FKBP1B: variants seen among roughly 807,000 people sequenced by gnomAD.
FKBP1B encodes peptidyl-prolyl cis-trans isomerase FKBP1B.
FKBP1B carries 4 observed loss-of-function variants against 13.5 expected under a neutral mutation model. The ratio of observed to expected loss-of-function variants is 0.30; its 90% confidence interval spans 0.15 to 0.68. The LOEUF (loss-of-function observed/expected upper bound fraction) is 0.68, where lower values mean the gene tolerates loss of function less well. FKBP1B is among the 30% of genes least tolerant of loss of function. The pLI is 0.76. For synonymous variants in FKBP1B, 54 were observed against 53.6 expected (o/e 1.01, Z -0.03); for missense variants, 93 against 136.2 (o/e 0.68, Z 1.58).
At chr2:24,041,265 G>A in the FKBP1B span, among the ~76,000 whole-genome samples, 783 of 151,710 alleles carry the variant, frequency 5.2e-3, 5 homozygotes, top group African/African-American at 0.018. Flanking sequence ...CTTGAACCCA[G>A]GAGGTAGAGA....
the FKBP1B span, chr2:24,038,656 A>G: frequency 6.2e-7 from 1 of 1,614,256 alleles, no homozygotes; most frequent in Non-Finnish European, 8.5e-7. Context: ...CAGAGGTTCT[A>G]AATAGGAAGA....
chr2:24,034,428 TAAATA>T, the FKBP1B span, among the ~76,000 whole-genome samples: 4 of 151,854 alleles, frequency 2.6e-5, no homozygotes, highest in African/African-American at 9.7e-5. Flanking sequence ...TAAAAATAAA[TAAATA>T]AAATAAAAAT....
intron 2 of FKBP1B, among the ~76,000 whole-genome samples, chr2:24,060,231 A>G (rs1044793349): frequency 1.3e-5 from 2 of 152,166 alleles, no homozygotes; most frequent in African/African-American, 4.8e-5. Flanking sequence ...AGGTGAGATA[A>G]GCTGGTGACT....
At chr2:24,049,708 G>C (rs1663753729), upstream of FKBP1B, 2 of 583,242 alleles carry the variant, frequency 3.4e-6, no homozygotes, top group Non-Finnish European at 5.1e-6. Context: ...TCCCCGCGCA[G>C]GTCCCGACTC....
rs1664497723 is a variant in FKBP1B at position 24,063,532 on chromosome 2, A to G, written c.*340A>G. On this transcript the variant is annotated 3_prime_UTR_variant, in exon 4 of 4. Coordinates refer to ENST00000380986, the MANE Select transcript of FKBP1B (RefSeq NM_004116.5). ...CTTAAACCACACACACAAGGTGCTC[A>G]GACATGAAATGTACATGGCGTACCG... The G allele has an allele frequency of 3.5e-6, 1 of 286,686 alleles. No individual in the cohort carries two copies. The highest frequency in any genetic ancestry group is 1.1e-4 in the South Asian group (1 of 9,408). The allele number at this position is 286,686 out of a possible 1,614,324, so 17.8% of individuals were successfully genotyped here.
At chr2:24,055,455 C>T (rs371825238) in intron 2 of FKBP1B, among the ~76,000 whole-genome samples, 34 of 152,244 alleles carry the variant, frequency 2.2e-4, no homozygotes, top group Admixed American at 9.2e-4. Flanking sequence ...AGTGATCCTT[C>T]CACCTTGGCC....
At chr2:24,035,155 A>G in the FKBP1B span, among the ~76,000 whole-genome samples, 1 of 151,802 alleles carries the variant, frequency 6.6e-6, no homozygotes, top group Non-Finnish European at 1.5e-5. Context: ...TAATGGTAAA[A>G]TTTTTTTCCT....
At chr2:24,033,206 C>A in the FKBP1B span, 1 of 557,190 alleles carries the variant, frequency 1.8e-6, no homozygotes, top group South Asian at 1.5e-5. Context: ...TAGAATACAA[C>A]TAATAACACT....
chr2:24,058,593 A>G (rs1297379701), intron 2 of FKBP1B, among the ~76,000 whole-genome samples: 1 of 152,198 alleles, frequency 6.6e-6, no homozygotes, highest in Admixed American at 6.5e-5. Flanking sequence ...GAAAGTCGGT[A>G]TATAAATGGA....
At position 24,063,111 on chromosome 2, in the gene FKBP1B, A is replaced by G; in HGVS notation, c.246A>G (p.Ala82=). 1.2e-6 allele frequency: 2 copies of G among 1,613,980 alleles called. No individual in the cohort carries two copies. The highest frequency in any genetic ancestry group is 2.2e-5 in the East Asian group (1 of 44,876). Residue 82 remains alanine (A), a synonymous_variant, in exon 4 of 4, where the codon GCA becomes GCG. Transcript: ENST00000380986. ...RAKLTCTPDV[A]YGATGHPGVI... ...AGCTGACCTGCACCCCTGATGTGGC[A>G]TATGGAGCCACGGGCCACCCCGGTG...
the FKBP1B span, among the ~76,000 whole-genome samples, chr2:24,035,118 T>G: frequency 1.3e-5 from 2 of 151,792 alleles, no homozygotes; most frequent in African/African-American, 4.8e-5. Context: ...CTCTAAAGGT[T>G]GGATTATGGA....
At chr2:24,052,716 C>G (rs1663935059) in intron 1 of FKBP1B, among the ~76,000 whole-genome samples, 1 of 152,162 alleles carries the variant, frequency 6.6e-6, no homozygotes, top group South Asian at 2.1e-4. Flanking sequence ...CCTATAATCT[C>G]AGCACTTTGG....
chr2:24,047,101 G>C (rs568763041), upstream of FKBP1B, among the ~76,000 whole-genome samples: 7 of 152,114 alleles, frequency 4.6e-5, no homozygotes, highest in African/African-American at 1.4e-4. Context: ...TTATTCACGA[G>C]TCACGGTCAT....
the FKBP1B span, among the ~76,000 whole-genome samples, chr2:24,036,087 A>AATAAATAT: frequency 6.7e-6 from 1 of 149,606 alleles, no homozygotes; most frequent in Non-Finnish European, 1.5e-5. Flanking sequence ...TAAATAAATA[A>AATAAATAT]ATAAATAAAT....
chr2:24,053,640 T>G, intron 1 of FKBP1B, among the ~76,000 whole-genome samples: 1 of 145,308 alleles, frequency 6.9e-6, no homozygotes. Context: ...AAAGGGGCAA[T>G]CAAAGAAAGT....
chr2:24,046,803 T>C (rs1258436807), upstream of FKBP1B, among the ~76,000 whole-genome samples: 3 of 152,250 alleles, frequency 2.0e-5, no homozygotes, highest in Non-Finnish European at 4.4e-5. Flanking sequence ...GACTCTTCTA[T>C]GCATAGTTTG....
chr2:24,042,033 G>C, the FKBP1B span, among the ~76,000 whole-genome samples: 5 of 152,072 alleles, frequency 3.3e-5, no homozygotes, highest in Non-Finnish European at 7.4e-5. Flanking sequence ...CTATCAATCA[G>C]TGGATACATA....
At chr2:24,062,722 C>T (rs1190189680) in intron 3 of FKBP1B, among the ~76,000 whole-genome samples, 2 of 152,178 alleles carry the variant, frequency 1.3e-5, no homozygotes, top group African/African-American at 2.4e-5. Context: ...CATACACCCT[C>T]TTTTCCTAAA....
chr2:24,063,480 CG>C lies in FKBP1B; in HGVS notation c.*289del. 1 of 333,320 alleles carries C rather than the reference CG, an allele frequency of 3.0e-6. No homozygotes were observed. The highest frequency in any genetic ancestry group is 4.8e-5 in the Admixed American group (1 of 20,956). 20.6% of individuals were successfully genotyped at this position (333,320 alleles called of 1,614,324 possible). A position where few individuals can be genotyped will look rare whatever the true frequency, so the allele number is the denominator to read the frequency against. On this transcript the variant is annotated 3_prime_UTR_variant, in exon 4 of 4. Coordinates refer to ENST00000380986, the MANE Select transcript of FKBP1B (RefSeq NM_004116.5). The stretch of plus-strand genomic sequence containing the variant: ...GATGACAGAACACAGATCTCTTGTT[CG>C]CACAATCTACACTGCCTTACCTTCA...
Sources: allele counts gnomAD v4.1 joint callset (sites outside exome capture counted in the v4.1 genomes callset), GRCh38; gene constraint gnomAD v4.1.1; transcripts MANE v1.5; gene names NCBI Gene and HGNC (gene_info 2026-07-23, HGNC 2026-07-21).